Variants in IGFN1 observed in about 807,000 individuals in gnomAD.
IGFN1 encodes immunoglobulin-like and fibronectin type III domain-containing protein 1.
Under a neutral mutation model 289.5 loss-of-function variants are expected in IGFN1, and 253 were observed. The ratio of observed to expected loss-of-function variants is 0.87; its 90% CI spans 0.79 to 0.97. IGFN1 has a LOEUF of 0.97. IGFN1 is among the 50% of genes least tolerant of loss of function. IGFN1 has a pLI of 0.00. For missense variants in IGFN1, 4,470 were observed against 4,686.1 expected (o/e 0.95, Z 1.35); for synonymous variants, 1,706 against 1,788.5 (o/e 0.95, Z 1.16).
At chr1:201,228,216 A>G (rs1370039543) in intron 23 of IGFN1, among the ~76,000 whole-genome samples, 170 bp from the exon 24 acceptor site, 1 of 152,212 alleles carries the variant, frequency 6.6e-6, no homozygotes, top group Non-Finnish European at 1.5e-5. Flanking sequence ...GGGCCAGCAA[A>G]GGGCTTTGCC....
At chr1:201,193,663 G>T (rs564613976) in intron 2 of IGFN1, among the ~76,000 whole-genome samples, 1 of 152,274 alleles carries the variant, frequency 6.6e-6, no homozygotes, top group East Asian at 1.9e-4. Flanking sequence ...TGTTGGTCAG[G>T]CTGGTCTCGA....
chr1:201,192,592 G>A (rs1244178680), intron 1 of IGFN1, among the ~76,000 whole-genome samples: 1 of 152,190 alleles, frequency 6.6e-6, no homozygotes, highest in Non-Finnish European at 1.5e-5. Flanking sequence ...GATTTATGGG[G>A]ATCCTACAGG....
chr1:201,202,712 T>C (rs1429202977), intron 9 of IGFN1, among the ~76,000 whole-genome samples: 1 of 138,256 alleles, frequency 7.2e-6, no homozygotes, highest in African/African-American at 2.7e-5. Context: ...TTTCTTTCTT[T>C]CTTCCTCCCT....
intron 20 of IGFN1, 32 bp from the exon 21 acceptor site, chr1:201,224,647 C>T (rs542843782): frequency 6.3e-7 from 1 of 1,598,482 alleles, no homozygotes; most frequent in Admixed American, 1.7e-5. Flanking sequence ...CCAGCTTCCC[C>T]TTCTCAACTT....
chr1:201,191,008 C>G (rs1426628313), intron 1 of IGFN1, 101 bp downstream of exon 1: 3 of 152,350 alleles, frequency 2.0e-5, no homozygotes, highest in Non-Finnish European at 4.4e-5. Context: ...AAGGGGCAGG[C>G]AGTGGGCAGG....
At position 201,215,458 on chromosome 1, in the gene IGFN1, T is replaced by G. The variant is rs1653162980; in HGVS notation, c.8996-81T>G. On this transcript the variant is annotated intron_variant, in intron 14 of 23. Transcript: ENST00000335211. ...GGGATTCCTTACTCTTCCCCCAAAC[T>G]TCCTTCTCTGGGTCCTCCTTTCTAT... The G allele has an allele frequency of 3.0e-6, 4 of 1,315,102 alleles. No homozygotes were observed. In the South Asian group the frequency reaches 5.8e-5, roughly 19 times the overall value. 81.5% of individuals were successfully genotyped at this position (1,315,102 alleles called of 1,614,324 possible). A position where few individuals can be genotyped will look rare whatever the true frequency, so the allele number is the denominator to read the frequency against.
chr1:201,198,239 A>C (rs1666996574), intron 5 of IGFN1, among the ~76,000 whole-genome samples: 1 of 152,140 alleles, frequency 6.6e-6, no homozygotes, highest in Non-Finnish European at 1.5e-5. Flanking sequence ...GGGTTCAAGC[A>C]ATTCTCCTGC....
At position 201,224,807 on chromosome 1, in the gene IGFN1, C is replaced by G; in HGVS notation, c.10419C>G (p.Leu3473=). The G allele has an allele frequency of 6.2e-7, 1 of 1,614,038 alleles. No individual in the cohort carries two copies. Among genetic ancestry groups the G allele is most frequent in the Non-Finnish European group, 8.5e-7 (1 of 1,179,870 alleles). Reference sequence around the variant, plus strand: ...TGGCTGGACTCTCAGACAGTGGTCTCTACACTGTGGTGCTGAGGACCCTGC... The same window carrying G: ...TGGCTGGACTCTCAGACAGTGGTCTGTACACTGTGGTGCTGAGGACCCTGC... The part of the protein sequence containing the change: ...IPVAGLSDSG[L]YTVVLRTLQG... The change falls in exon 21 of 24, where the codon CTC becomes CTG. Residue 3473 remains leucine, a synonymous_variant. Coordinates refer to ENST00000335211, the MANE Select transcript of IGFN1 (RefSeq NM_001164586.2).
In IGFN1 at chr1:201,212,992, G is replaced by C; in HGVS notation, c.8099G>C (p.Gly2700Ala). The C allele has an allele frequency of 6.4e-7, 1 of 1,551,596 alleles. No individual in the cohort carries two copies. Among genetic ancestry groups the C allele is most frequent in the Non-Finnish European group, 8.7e-7 (1 of 1,146,972 alleles). ...CTGGATAGCAAAGGTTCAAGTCCTGGAAGGGGCAGTTCTGTTGATGCAGAG... is the reference window on the plus strand; with the variant it reads ...CTGGATAGCAAAGGTTCAAGTCCTGCAAGGGGCAGTTCTGTTGATGCAGAG... ...WSLDSKGSSP[G>A]RGSSVDAEDS... is the part of the protein sequence containing the mutation. Residue 2700 changes from glycine to alanine, a missense_variant, in exon 12 of 24, where the codon GGA becomes GCA. Coordinates refer to ENST00000335211, the MANE Select transcript of IGFN1 (RefSeq NM_001164586.2).
chr1:201,212,657 C>G lies in IGFN1; in HGVS notation c.7764C>G (p.Gly2588=). Reference sequence around the variant, plus strand: ...CACTTTTGGGAGGCAGAAGGGTAGGCTCAGGGAGTTCAGTGGGGACAGGTC... The same window carrying G: ...CACTTTTGGGAGGCAGAAGGGTAGGGTCAGGGAGTTCAGTGGGGACAGGTC... ...GDSLLGGRRV[G]SGSSVGTGQD... The change falls in exon 12 of 24, where the codon GGC becomes GGG. Residue 2588 remains glycine, a synonymous_variant. Transcript: ENST00000335211. 1 of 1,541,872 alleles carries G rather than the reference C, an allele frequency of 6.5e-7. No homozygotes were observed. Among genetic ancestry groups the G allele is most frequent in the Non-Finnish European group, 8.8e-7 (1 of 1,141,590 alleles).
Position 201,207,092 on chromosome 1 carries a change from A to G in IGFN1, c.2199A>G (p.Ser733=). ...AGGACTTCCAGGAACCATCAATATC[A>G]GGTGGTAGAAAATTCCTTCTGGGAG... is the stretch of plus-strand genomic sequence containing the variant. ...GGKDFQEPSI[S]GGRKFLLGDG... Residue 733 remains serine, a synonymous_variant, in exon 12 of 24, where the codon TCA becomes TCG. Transcript: ENST00000335211. 2.6e-6 allele frequency: 4 copies of G among 1,537,052 alleles called. No homozygotes were observed. The highest frequency in any genetic ancestry group is 3.5e-6 in the Non-Finnish European group (4 of 1,146,854).
rs959975840 is a variant in IGFN1 at position 201,214,915 on chromosome 1, A to T, written c.8854-98A>T. On this transcript the variant is annotated intron_variant, in intron 13 of 23. Transcript: ENST00000335211. ...TAAGCATTCCATTCACACAGCTGTT[A>T]TCAGGATCCCAGCATCAGTAAAGGG... is the stretch of plus-strand genomic sequence containing the variant. 1.3e-5 allele frequency: 17 copies of T among 1,263,088 alleles called. No homozygotes were observed. The African/African-American group carries it at 1.9e-4, about 14-fold the overall frequency. 78.2% of individuals were successfully genotyped at this position (1,263,088 alleles called of 1,614,324 possible).
intron 18 of IGFN1, among the ~76,000 whole-genome samples, chr1:201,218,881 G>A (rs113227756): frequency 3.9e-5 from 6 of 152,134 alleles, no homozygotes; most frequent in African/African-American, 1.4e-4. Flanking sequence ...TGGGATTAGA[G>A]GATTCCTTCC....
chr1:201,193,309 A>G lies in IGFN1; in HGVS notation c.7+9A>G. ...AGGCAGAACTATGGCAGGTAAGAGAAGAACTAATCTCCCCTCCCCAGCCCT... is the reference window on the plus strand; with the variant it reads ...AGGCAGAACTATGGCAGGTAAGAGAGGAACTAATCTCCCCTCCCCAGCCCT... On this transcript the variant is annotated intron_variant, in intron 2 of 23. Coordinates refer to ENST00000335211, the MANE Select transcript of IGFN1 (RefSeq NM_001164586.2). The G allele has an allele frequency of 1.3e-6, 2 of 1,540,662 alleles. No homozygotes were observed. The highest frequency in any genetic ancestry group is 1.8e-6 in the Non-Finnish European group (2 of 1,136,640).
Position 201,207,400 on chromosome 1 carries a change from G to T in IGFN1, c.2507G>T (p.Gly836Val). The T allele has an allele frequency of 6.5e-7, 1 of 1,535,318 alleles. No individual in the cohort carries two copies. The highest frequency in any genetic ancestry group is 8.7e-7 in the Non-Finnish European group (1 of 1,145,946). Residue 836 changes from glycine to valine, a missense_variant, in exon 12 of 24, where the codon GGC becomes GTC. By Grantham distance (109) the Gly-to-Val change is moderately radical. Around this residue, in one of 8 missense-constraint regions of IGFN1, gnomAD observed 2,011 missense variants for 1,953.4 expected, o/e 1.03. Coordinates refer to ENST00000335211, the MANE Select transcript of IGFN1 (RefSeq NM_001164586.2). Reference sequence around the variant, plus strand: ...GGTATTGGCAGAATAGAATCTAAGGGCACAAGTCCTTGGGATGACACACCA... The same window carrying T: ...GGTATTGGCAGAATAGAATCTAAGGTCACAAGTCCTTGGGATGACACACCA... ...AGGIGRIESK[G>V]TSPWDDTPSS... is the part of the protein sequence containing the mutation.
Position 201,207,668 on chromosome 1 carries a change from T to A in IGFN1, c.2775T>A (p.Asn925Lys). ...GSIGSEPDFW[N>K]GSGSSRVKGP... ...TAGGGTCTGAACCAGATTTCTGGAATGGGTCAGGGAGCTCCAGAGTAAAAG... is the reference window on the plus strand; with the variant it reads ...TAGGGTCTGAACCAGATTTCTGGAAAGGGTCAGGGAGCTCCAGAGTAAAAG... The change falls in exon 12 of 24, where the codon AAT (asparagine) becomes AAA (lysine). Residue 925 changes from asparagine to lysine, a missense_variant. This residue lies in a region of IGFN1 where 2,011 missense variants were observed against 1,953.4 expected (regional missense o/e 1.03). Transcript: ENST00000335211. 1 of 1,537,052 alleles carries A rather than the reference T, an allele frequency of 6.5e-7. No homozygotes were observed. The highest frequency in any genetic ancestry group is 8.7e-7 in the Non-Finnish European group (1 of 1,146,864).
At chr1:201,193,155 A>G (rs1572157579) in intron 1 of IGFN1, 92 bp from the exon 2 acceptor site, 8 of 656,672 alleles carry the variant, frequency 1.2e-5, no homozygotes, top group Non-Finnish European at 2.2e-5. Flanking sequence ...TCCAGCTCCC[A>G]CCCCAGACAT....
intron 17 of IGFN1, among the ~76,000 whole-genome samples, chr1:201,217,679 C>G (rs1653416610): frequency 6.6e-6 from 1 of 152,070 alleles, no homozygotes; most frequent in Non-Finnish European, 1.5e-5. Context: ...CTACAGTATA[C>G]AGGACAGAGC....
At chr1:201,227,275 G>A (rs1453282190) in intron 23 of IGFN1, 67 bp downstream of exon 23, 3 of 1,315,860 alleles carry the variant, frequency 2.3e-6, no homozygotes, top group Non-Finnish European at 3.1e-6. Context: ...TGCCTGTCAG[G>A]GAGGCTCCGG....
Sources: gnomAD v4.1 joint callset for allele counts (sites outside exome capture counted in the v4.1 genomes callset) on GRCh38, gnomAD v4.1.1 for gene constraint, gnomAD v4.1.1 regional missense constraint, MANE v1.5 for transcripts, NCBI Gene and HGNC (gene_info 2026-07-23, HGNC 2026-07-21) for gene names.